The following SUPT5H variants were observed in gnomAD, a reference collection of about 807,000 sequenced individuals.
SUPT5H encodes the protein transcription elongation factor SPT5.
A neutral mutation model predicts 142.5 loss-of-function variants in SUPT5H; 24 were observed. The ratio of observed to expected loss-of-function variants is 0.17; its 90% CI spans 0.12 to 0.24. The LOEUF (loss-of-function observed/expected upper bound fraction) is 0.24, where lower values mean the gene tolerates loss of function less well. SUPT5H is among the 10% of genes least tolerant of loss of function. The pLI, the probability that SUPT5H is intolerant of heterozygous loss-of-function variation, is 1.00. For missense variants in SUPT5H, 893 were observed against 1,471.8 expected, an observed-to-expected ratio of 0.61 and a Z score of 6.43; for synonymous variants, 546 against 553.0, an observed-to-expected ratio of 0.99 and a Z score of 0.18.
At chr19:39,465,465 A>G (rs1031755786) in intron 11 of SUPT5H, among the ~76,000 whole-genome samples, 11 of 152,222 alleles carry the variant, frequency 7.2e-5, no homozygotes, top group Non-Finnish European at 1.5e-4. Flanking sequence ...GCAGACTTCA[A>G]TGTTAATAAG....
rs1308073904 is a variant in SUPT5H, at chr19:39,474,557, C to G, written c.2863C>G (p.Pro955Ala). 1 of 1,614,240 alleles carries G rather than the reference C, an allele frequency of 6.2e-7. No individual in the cohort carries two copies. The highest frequency in any genetic ancestry group is 1.7e-4 in the Middle Eastern group (1 of 6,060). The change falls in exon 28 of 30, where the codon CCT becomes GCT. Residue 955 changes from proline to alanine, a missense_variant. By Grantham distance (27) the Pro-to-Ala change is conservative. This residue lies in a region of SUPT5H where 336 missense variants were observed against 546.5 expected (regional missense o/e 0.61). Coordinates refer to ENST00000432763, the MANE Select transcript of SUPT5H (RefSeq NM_001111020.3). The surrounding 1 kb of genome is among the most constrained non-coding windows in gnomAD (Gnocchi z 6.5). Reference sequence around the variant, plus strand: ...CCCCGTTGGCTACAGTCCTATGACACCTGGAGCTCCCTCCCCTGGTGGCTA... The same window carrying G: ...CCCCGTTGGCTACAGTCCTATGACAGCTGGAGCTCCCTCCCCTGGTGGCTA... Reference protein sequence around the residue: ...PSPVGYSPMTPGAPSPGGYNP... With the variant: ...PSPVGYSPMTAGAPSPGGYNP...
At chr19:39,445,993 A>G (rs780990006) in intron 2 of SUPT5H, 28 bp downstream of exon 2, 2 of 1,604,872 alleles carry the variant, frequency 1.2e-6, no homozygotes, top group South Asian at 1.1e-5. Context: ...TGGGGGAGAC[A>G]TTGCGTCTGG....
chr19:39,466,671 A>C lies in SUPT5H; in HGVS notation c.967-4A>C, dbSNP rs899534570. The C allele has an allele frequency of 6.2e-7, 1 of 1,611,796 alleles. No individual in the cohort carries two copies. The highest frequency in any genetic ancestry group is 1.3e-5 in the African/African-American group (1 of 74,932). On this transcript the variant is annotated splice_region_variant and splice_polypyrimidine_tract_variant and intron_variant, in intron 12 of 29. Coordinates refer to ENST00000432763, the MANE Select transcript of SUPT5H (RefSeq NM_001111020.3). This position sits in a 1 kb window ranked among gnomAD's most constrained non-coding sequence, Gnocchi z 4.3. The stretch of plus-strand genomic sequence containing the variant: ...CTTCCCACCCATGCCCCTTTCCTCC[A>C]TAGAAAGACTGGTTTGCCAAAAGGA...
rs1241321987 is a variant in SUPT5H, at chr19:39,469,616, C to T, written c.1374+218C>T. On this transcript the variant is annotated intron_variant, in intron 16 of 29. Transcript: ENST00000432763. The surrounding 1 kb of genome is among the most constrained non-coding windows in gnomAD (Gnocchi z 5.1). ...GGTGGTGTCTGTCTCTGGAGAGTGACTTGGTCTATCTTTTGTTTCTGAAAA... is the reference window on the plus strand; with the variant it reads ...GGTGGTGTCTGTCTCTGGAGAGTGATTTGGTCTATCTTTTGTTTCTGAAAA... 1.3e-5 allele frequency: 8 copies of T among 632,914 alleles called. No homozygotes were observed. Among genetic ancestry groups the T allele is most frequent in the Non-Finnish European group, 2.2e-5 (8 of 367,462 alleles). The allele number at this position is 632,914 out of a possible 1,614,324, so 39.2% of individuals were successfully genotyped here. A position where few individuals can be genotyped will look rare whatever the true frequency, so the allele number is the denominator to read the frequency against.
In SUPT5H at chr19:39,445,646, G is replaced by C; in HGVS notation, c.-88+9G>C. On this transcript the variant is annotated intron_variant, in intron 1 of 29. Transcript: ENST00000432763. ...GAGGTGGAGCCCGAGAGGTAAGTGC[G>C]TGTGCAGAGGTGGCAGTTCCGGGCG... 1 of 543,322 alleles carries C rather than the reference G, an allele frequency of 1.8e-6. No homozygotes were observed. The highest frequency in any genetic ancestry group is 3.3e-6 in the Non-Finnish European group (1 of 300,472). 33.7% of individuals were successfully genotyped at this position (543,322 alleles called of 1,614,324 possible).
chr19:39,471,329 C>T (rs770286725), intron 18 of SUPT5H, 28 bp from the exon 19 acceptor site: 1 of 1,614,012 alleles, frequency 6.2e-7, no homozygotes, highest in South Asian at 1.1e-5. Context: ...ATTCTCACCC[C>T]CACAGCCTCC....
At chr19:39,467,394 AAAC>A (rs1265287103) in intron 13 of SUPT5H, 1 of 152,288 alleles carries the variant, frequency 6.6e-6, no homozygotes, top group Non-Finnish European at 1.5e-5. Context: ...AAAAAAAAGA[AAAC>A]AACCTCTGCT....
rs2079379417 is a variant in SUPT5H at position 39,474,800 on chromosome 19, G to A, written c.3024+82G>A. The A allele has an allele frequency of 5.5e-6, 8 of 1,454,084 alleles. 1 individual carries two copies. In the South Asian group the frequency reaches 1.0e-4, roughly 19 times the overall value. The allele number at this position is 1,454,084 out of a possible 1,614,324, so 90.1% of individuals were successfully genotyped here. A position where few individuals can be genotyped will look rare whatever the true frequency, so the allele number is the denominator to read the frequency against. On this transcript the variant is annotated intron_variant, in intron 28 of 29. Coordinates refer to ENST00000432763, the MANE Select transcript of SUPT5H (RefSeq NM_001111020.3). The surrounding 1 kb of genome is among the most constrained non-coding windows in gnomAD (Gnocchi z 6.5). ...ACTGGAGACAGACCTGTCCCCAGAT[G>A]GTGACAGCCCAGAGTGGGCAGAGCT...
At position 39,457,706 on chromosome 19, in the gene SUPT5H, G is replaced by A; in HGVS notation, c.273G>A (p.Gln91=). Residue 91 remains glutamine, a synonymous_variant, in exon 4 of 30, where the codon CAG becomes CAA. Transcript: ENST00000432763. ...DVDDEYEDED[Q]WEDGAEDILE... ...ACGATGAGTATGAGGACGAGGACCA[G>A]TGGGAGGATGGAGCAGAGGACATTC... The A allele has an allele frequency of 1.2e-6, 2 of 1,614,166 alleles. No individual in the cohort carries two copies. The highest frequency in any genetic ancestry group is 1.7e-6 in the Non-Finnish European group (2 of 1,180,010).
At chr19:39,475,760 C>T (rs527243296) in intron 28 of SUPT5H, 13 of 329,242 alleles carry the variant, frequency 3.9e-5, no homozygotes, top group Admixed American at 1.4e-4. Flanking sequence ...GACCATGGGG[C>T]GGTCCCTGAG....
At position 39,469,102 on chromosome 19, in the gene SUPT5H, ACT is replaced by A. The variant is rs1568430113; in HGVS notation, c.1172_1173del (p.Ser391Ter). On this transcript the variant is annotated frameshift_variant, in exon 15 of 30. Transcript: ENST00000432763. LOFTEE classifies it high-confidence loss of function. The surrounding 1 kb of genome is among the most constrained non-coding windows in gnomAD (Gnocchi z 5.1). The part of the protein sequence containing the change: ...AVITEGVKPT[L>X]SELEKFEDQP... ...AGATCACGGAGGGTGTGAAGCCAAC[ACT>A]CTCTGAGCTGGAAAAGTTTGAGGAC... is the stretch of plus-strand genomic sequence containing the variant. 6.2e-7 allele frequency: 1 copy of A among 1,613,952 alleles called. No individual in the cohort carries two copies. The highest frequency in any genetic ancestry group is 8.5e-7 in the Non-Finnish European group (1 of 1,179,952).
In SUPT5H at chr19:39,464,897, G is replaced by T; in HGVS notation, c.724G>T (p.Val242Leu). Residue 242 changes from valine to leucine, a missense_variant, in exon 11 of 30, where the codon GTG becomes TTG. Coordinates refer to ENST00000432763, the MANE Select transcript of SUPT5H (RefSeq NM_001111020.3). The stretch of plus-strand genomic sequence containing the variant: ...CCACGTGAAGCAGGCCATTGAGGGG[G>T]TGGGCAACCTGCGGCTTGGCTACTG... ...QTHVKQAIEG[V>L]GNLRLGYWNQ... The T allele has an allele frequency of 1.2e-6, 2 of 1,614,170 alleles. No homozygotes were observed. Among genetic ancestry groups the T allele is most frequent in the Non-Finnish European group, 1.7e-6 (2 of 1,180,014 alleles).
intron 3 of SUPT5H, among the ~76,000 whole-genome samples, chr19:39,455,653 C>T (rs1196658658): frequency 2.1e-5 from 3 of 144,146 alleles, no homozygotes; most frequent in Admixed American, 7.0e-5. Context: ...GATGGAGTTT[C>T]GCTTTTTCAC....
chr19:39,453,255 T>G (rs1406766457), intron 2 of SUPT5H, 101 bp from the exon 3 acceptor site: 1 of 1,398,760 alleles, frequency 7.1e-7, no homozygotes, highest in Non-Finnish European at 9.5e-7. Flanking sequence ...GGGCTATGAT[T>G]GGCCAGGCCA....
rs1302389425 is a variant in SUPT5H at position 39,469,942 on chromosome 19, A to G, written c.1375-177A>G. On this transcript the variant is annotated intron_variant, in intron 16 of 29. Coordinates refer to ENST00000432763, the MANE Select transcript of SUPT5H (RefSeq NM_001111020.3). This position sits in a 1 kb window ranked among gnomAD's most constrained non-coding sequence, Gnocchi z 5.1. ...AGGTTGGTGTCCTGTGTCTGGGGTC[A>G]GCTGTTTCTGGGGCAGTCTGAGGGG... The G allele has an allele frequency of 2.6e-6, 2 of 768,424 alleles. No homozygotes were observed. Among genetic ancestry groups the G allele is most frequent in the Non-Finnish European group, 4.1e-6 (2 of 488,838 alleles). 47.6% of individuals were successfully genotyped at this position (768,424 alleles called of 1,614,324 possible). A position where few individuals can be genotyped will look rare whatever the true frequency, so the allele number is the denominator to read the frequency against.
chr19:39,461,034 A>G (rs2079154106), intron 10 of SUPT5H, among the ~76,000 whole-genome samples: 1 of 151,974 alleles, frequency 6.6e-6, no homozygotes, highest in Admixed American at 6.6e-5. Context: ...TCCAGCACTT[A>G]GGGAGGCTGA....
At position 39,458,270 on chromosome 19, in the gene SUPT5H, A is replaced by G. The variant is rs1311023088; in HGVS notation, c.308-24A>G. 1.1e-6 allele frequency: 1 copy of G among 891,966 alleles called. No homozygotes were observed. 55.3% of individuals were successfully genotyped at this position (891,966 alleles called of 1,614,324 possible). A position where few individuals can be genotyped will look rare whatever the true frequency, so the allele number is the denominator to read the frequency against. ...CACCACCACCACCACCACCACCACC[A>G]CCACCTCCTCTTCCTCCAAGTAGAA... On this transcript the variant is annotated intron_variant, in intron 4 of 29. Transcript: ENST00000432763. This position sits in a 1 kb window ranked among gnomAD's most constrained non-coding sequence, Gnocchi z 4.2.
In SUPT5H at chr19:39,466,364, G is replaced by T. The variant is rs2079235717; in HGVS notation, c.877-116G>T. 2 of 961,460 alleles carry T rather than the reference G, an allele frequency of 2.1e-6. No homozygotes were observed. Among genetic ancestry groups the T allele is most frequent in the African/African-American group, 3.2e-5 (2 of 62,290 alleles). The allele number at this position is 961,460 out of a possible 1,614,324, so 59.6% of individuals were successfully genotyped here. A position where few individuals can be genotyped will look rare whatever the true frequency, so the allele number is the denominator to read the frequency against. ...GACTTTTGGGAGTGGTCAGCAGCCT[G>T]GTTTCTTCCCCACCATCCTGCGTCC... On this transcript the variant is annotated intron_variant, in intron 11 of 29. Transcript: ENST00000432763. The surrounding 1 kb of genome is among the most constrained non-coding windows in gnomAD (Gnocchi z 4.3).
chr19:39,463,194 G>T (rs953121349), intron 10 of SUPT5H, among the ~76,000 whole-genome samples: 2 of 150,988 alleles, frequency 1.3e-5, no homozygotes, highest in African/African-American at 4.9e-5. Flanking sequence ...TAGAGGCAAG[G>T]TTTCACCATG....
Sources: allele counts gnomAD v4.1 joint callset (sites outside exome capture counted in the v4.1 genomes callset), GRCh38; gene constraint gnomAD v4.1.1; regional missense constraint gnomAD v4.1.1; non-coding constraint Gnocchi (gnomAD v3.1); transcripts MANE v1.5; gene names NCBI Gene and HGNC (gene_info 2026-07-23, HGNC 2026-07-21).